Variants in ZYG11B observed in about 807,000 individuals in gnomAD.
ZYG11B encodes the protein zyg-11 family member B, cell cycle regulator.
ZYG11B carries 36 observed loss-of-function variants against 82.4 expected under a neutral mutation model. The observed-to-expected ratio is 0.44, with a 90% CI of 0.33 to 0.58. The LOEUF (loss-of-function observed/expected upper bound fraction) is 0.58, where lower values mean the gene tolerates loss of function less well. ZYG11B is among the 20% of genes least tolerant of loss of function. The pLI is 0.02. For missense variants in ZYG11B, 552 were observed against 895.6 expected (o/e 0.62, Z 4.90); for synonymous variants, 303 against 312.8 (o/e 0.97, Z 0.33).
intron 1 of ZYG11B, among the ~76,000 whole-genome samples, chr1:52,732,888 C>T (rs1488060685): frequency 6.6e-6 from 1 of 151,942 alleles, no homozygotes; most frequent in African/African-American, 2.4e-5. Context: ...GCAGGAGAAT[C>T]ACTTGAACCC....
chr1:52,809,635 A>G (rs1385209308), intron 10 of ZYG11B, among the ~76,000 whole-genome samples: 17 of 151,876 alleles, frequency 1.1e-4, no homozygotes, highest in Non-Finnish European at 4.4e-5. Context: ...ATTCCCACCA[A>G]CAGTGTCCAA....
At chr1:52,814,704 TACAC>T (rs10644507) in intron 12 of ZYG11B, among the ~76,000 whole-genome samples, 283 of 92,002 alleles carry the variant, frequency 3.1e-3, no homozygotes, top group African/African-American at 5.7e-3. Flanking sequence ...CAAATGTAAA[TACAC>T]ACACACACAC....
At chr1:52,746,151 G>A (rs543225004) in intron 1 of ZYG11B, among the ~76,000 whole-genome samples, 34 of 151,736 alleles carry the variant, frequency 2.2e-4, no homozygotes, top group Admixed American at 4.6e-4. Flanking sequence ...TAGTAGAGAC[G>A]GGGTTTCACT....
intron 1 of ZYG11B, among the ~76,000 whole-genome samples, chr1:52,736,467 T>C (rs1274087634): frequency 6.6e-6 from 1 of 151,984 alleles, no homozygotes; most frequent in Admixed American, 6.6e-5. Context: ...TTTTTCTTTT[T>C]TTTGAGATGG....
chr1:52,783,895 C>CATATAA, intron 4 of ZYG11B, among the ~76,000 whole-genome samples: 1 of 115,270 alleles, frequency 8.7e-6, no homozygotes, highest in African/African-American at 5.3e-5. Flanking sequence ...TGTACATACA[C>CATATAA]GTGTGTGTAT....
At chr1:52,784,635 T>C (rs1644897878) in intron 4 of ZYG11B, among the ~76,000 whole-genome samples, 1 of 152,118 alleles carries the variant, frequency 6.6e-6, no homozygotes, top group Non-Finnish European at 1.5e-5. Flanking sequence ...GAGTGACCTG[T>C]GTGAAAAAGA....
chr1:52,819,583 C>G (rs538970667), intron 13 of ZYG11B, among the ~76,000 whole-genome samples: 1 of 151,800 alleles, frequency 6.6e-6, no homozygotes, highest in South Asian at 2.1e-4. Flanking sequence ...GTCAGGAGAT[C>G]GAGACCATCC....
intron 3 of ZYG11B, among the ~76,000 whole-genome samples, chr1:52,778,737 C>T (rs1168184388): frequency 6.6e-6 from 1 of 152,066 alleles, no homozygotes; most frequent in Non-Finnish European, 1.5e-5. Context: ...CGTTTGGTTG[C>T]CGAATGGCAC....
intron 1 of ZYG11B, among the ~76,000 whole-genome samples, chr1:52,727,692 C>T (rs1159850621): frequency 6.6e-6 from 1 of 152,122 alleles, no homozygotes; most frequent in Admixed American, 6.6e-5. Context: ...CTAAAGAGTT[C>T]ATTTGTTTTG....
chr1:52,733,915 C>G (rs1644356443), intron 1 of ZYG11B, among the ~76,000 whole-genome samples: 1 of 152,126 alleles, frequency 6.6e-6, no homozygotes, highest in Non-Finnish European at 1.5e-5. Flanking sequence ...TACTCTCAAA[C>G]TATTCTATTT....
At chr1:52,817,787 A>ATATATATATGTG (rs1315303330) in intron 13 of ZYG11B, among the ~76,000 whole-genome samples, 1 of 28,930 alleles carries the variant, frequency 3.5e-5, no homozygotes, top group East Asian at 5.8e-4. Context: ...GTATATATAT[A>ATATATATATGTG]TATATATATA....
chr1:52,818,625 A>T (rs2149968310), intron 13 of ZYG11B, among the ~76,000 whole-genome samples: 1 of 152,162 alleles, frequency 6.6e-6, no homozygotes, highest in African/African-American at 2.4e-5. Context: ...GTCAGGGGAG[A>T]TGGGGAGGGG....
chr1:52,821,299 AGC>A, intron 13 of ZYG11B, 138 bp from the exon 14 acceptor site: 1 of 736,278 alleles, frequency 1.4e-6, no homozygotes, highest in Non-Finnish European at 2.1e-6. Flanking sequence ...TTATTTATCA[AGC>A]TGTAGCATGT....
intron 13 of ZYG11B, among the ~76,000 whole-genome samples, chr1:52,820,623 G>T (rs975471138): frequency 1.3e-5 from 2 of 149,738 alleles, no homozygotes; most frequent in Admixed American, 6.8e-5. Context: ...ACTCCAGCCT[G>T]GGCAACACAG....
intron 2 of ZYG11B, among the ~76,000 whole-genome samples, chr1:52,767,032 A>ATTTATTTTATGTTAT (rs1355430963): frequency 6.7e-6 from 1 of 150,128 alleles, no homozygotes; most frequent in South Asian, 2.1e-4. Context: ...ATTTTATTTT[A>ATTTATTTTATGTTAT]TTTATTTTAT....
At chr1:52,785,241 T>A (rs1374899161) in intron 5 of ZYG11B, among the ~76,000 whole-genome samples, 188 bp downstream of exon 5, 1 of 152,056 alleles carries the variant, frequency 6.6e-6, no homozygotes, top group Non-Finnish European at 1.5e-5. Context: ...CCTAAATCCA[T>A]ATATTGGGGG....
chr1:52,779,154 C>A (rs1644833942), intron 3 of ZYG11B, among the ~76,000 whole-genome samples: 1 of 151,976 alleles, frequency 6.6e-6, no homozygotes, highest in East Asian at 1.9e-4. Context: ...TATGAGTGGT[C>A]CTTTGCTGAG....
intron 5 of ZYG11B, among the ~76,000 whole-genome samples, chr1:52,787,421 A>G (rs1215960088): frequency 6.6e-6 from 1 of 152,202 alleles, no homozygotes; most frequent in African/African-American, 2.4e-5. Context: ...AAATTTAGCT[A>G]TTAGTTCCTC....
chr1:52,785,970 A>G (rs562117837), intron 5 of ZYG11B, among the ~76,000 whole-genome samples: 1 of 152,304 alleles, frequency 6.6e-6, no homozygotes, highest in South Asian at 2.1e-4. Flanking sequence ...AGCATAAACT[A>G]TGACTTCCTC....
Sources: gnomAD v4.1 joint callset for allele counts (sites outside exome capture counted in the v4.1 genomes callset) on GRCh38, gnomAD v4.1.1 for gene constraint, MANE v1.5 for transcripts, NCBI Gene and HGNC (gene_info 2026-07-23, HGNC 2026-07-21) for gene names.